DCLK2: variants seen among roughly 807,000 people sequenced by gnomAD.
DCLK2 encodes serine/threonine-protein kinase DCLK2.
A neutral mutation model predicts 78.4 loss-of-function variants in DCLK2; 31 were observed. The ratio of observed to expected loss-of-function variants is 0.40; its 90% CI spans 0.30 to 0.53. The LOEUF is 0.53. Among genes scored for constraint, DCLK2 ranks in the 20% least tolerant of loss-of-function variants. DCLK2 has a pLI of 0.61. For synonymous variants in DCLK2, 407 were observed against 374.9 expected (o/e 1.09, Z -0.99); for missense variants, 872 against 973.7 (o/e 0.90, Z 1.39).
In DCLK2 at chr4:150,221,793, G is replaced by A. The variant is rs1255864850; in HGVS notation, c.1241+8G>A. On this transcript the variant is annotated splice_region_variant and intron_variant, in intron 7 of 15. Transcript: ENST00000296550. ...CAAAGAGTGTATAGACAGGTGAGTGGACAGTGAGGATAATTAATGAATAAT... is the reference window on the plus strand; with the variant it reads ...CAAAGAGTGTATAGACAGGTGAGTGAACAGTGAGGATAATTAATGAATAAT... 6.9e-7 allele frequency: 1 copy of A among 1,443,618 alleles called. No individual in the cohort carries two copies. The highest frequency in any genetic ancestry group is 9.5e-7 in the Non-Finnish European group (1 of 1,047,546). The allele number at this position is 1,443,618 out of a possible 1,614,324, so 89.4% of individuals were successfully genotyped here.
At chr4:150,194,338 C>T (rs370809236) in intron 3 of DCLK2, among the ~76,000 whole-genome samples, 2 of 152,280 alleles carry the variant, frequency 1.3e-5, no homozygotes, top group South Asian at 4.1e-4. Flanking sequence ...TGTAAGTTTA[C>T]ACCATGATGT....
intron 2 of DCLK2, among the ~76,000 whole-genome samples, chr4:150,182,364 C>T (rs1560842330): frequency 6.6e-6 from 1 of 152,036 alleles, no homozygotes; most frequent in Non-Finnish European, 1.5e-5. Context: ...TCATTTGAAG[C>T]AAAACTTTTA....
chr4:150,152,175 T>A (rs1734946026), intron 2 of DCLK2, among the ~76,000 whole-genome samples: 2 of 152,240 alleles, frequency 1.3e-5, no homozygotes, highest in African/African-American at 4.8e-5. Flanking sequence ...CTGCAAGATT[T>A]GGATCCCATG....
At chr4:150,086,296 G>C (rs1387495281) in intron 1 of DCLK2, among the ~76,000 whole-genome samples, 1 of 152,190 alleles carries the variant, frequency 6.6e-6, no homozygotes, top group Non-Finnish European at 1.5e-5. Context: ...CAGTTGGACA[G>C]TTAGCCAGAT....
intron 15 of DCLK2, among the ~76,000 whole-genome samples, chr4:150,249,962 C>G (rs1580799292): frequency 6.6e-6 from 1 of 152,142 alleles, no homozygotes; most frequent in South Asian, 2.1e-4. Context: ...CCACTCTTGT[C>G]TCTGCCTTCT....
intron 10 of DCLK2, among the ~76,000 whole-genome samples, chr4:150,236,748 G>T (rs977537120): frequency 1.2e-4 from 18 of 152,176 alleles, no homozygotes; most frequent in Non-Finnish European, 2.4e-4. Flanking sequence ...AGACATGTTT[G>T]CTTCTGTGTC....
At chr4:150,205,078 A>C (rs1739753317) in intron 5 of DCLK2, among the ~76,000 whole-genome samples, 1 of 152,152 alleles carries the variant, frequency 6.6e-6, no homozygotes, top group Non-Finnish European at 1.5e-5. Flanking sequence ...GGTTCCCTAA[A>C]CACTTCAAAT....
chr4:150,204,852 G>A (rs12507489), intron 5 of DCLK2, among the ~76,000 whole-genome samples: 132,777 of 151,562 alleles, frequency 0.88, 58,557 homozygotes, highest in Middle Eastern at 0.96. Context: ...AGATCGCGCC[G>A]CTGCACTCCA....
chr4:150,120,693 A>G (rs1296918299), intron 2 of DCLK2, among the ~76,000 whole-genome samples: 1 of 152,212 alleles, frequency 6.6e-6, no homozygotes, highest in African/African-American at 2.4e-5. Context: ...CCTAGCACAG[A>G]TAAGTTATGT....
intron 2 of DCLK2, among the ~76,000 whole-genome samples, chr4:150,147,426 A>G (rs1172694346): frequency 1.3e-5 from 2 of 152,220 alleles, no homozygotes; most frequent in African/African-American, 2.4e-5. Context: ...AAAGCTGGCT[A>G]TGTGAAAGAC....
chr4:150,231,585 G>A (rs191308978), intron 8 of DCLK2, among the ~76,000 whole-genome samples: 19 of 152,292 alleles, frequency 1.2e-4, no homozygotes, highest in African/African-American at 3.1e-4. Context: ...ATGGGTTGAC[G>A]TATTAAGAAT....
intron 1 of DCLK2, among the ~76,000 whole-genome samples, chr4:150,085,153 C>T (rs1443998678): frequency 2.6e-5 from 4 of 152,064 alleles, no homozygotes; most frequent in Non-Finnish European, 5.9e-5. Context: ...GCCCTTTCTC[C>T]CTGGCTTCTG....
chr4:150,135,210 A>G lies in DCLK2; in HGVS notation c.756+32398A>G, dbSNP rs555154858. Among the ~76,000 whole-genome samples, 11 of 146,608 alleles carry G rather than the reference A, an allele frequency of 7.5e-5. No individual in the cohort carries two copies. The East Asian group carries it at 2.2e-3, about 29-fold the overall frequency. On this transcript the variant is annotated intron_variant, in intron 2 of 15. Transcript: ENST00000296550. ...CACACACACTGTCTCTCTCAGTTTC[A>G]GGTTGTATTTGAGAAAAGCTTGCTT...
intron 2 of DCLK2, among the ~76,000 whole-genome samples, chr4:150,115,816 G>A (rs1209637147): frequency 6.6e-6 from 1 of 152,184 alleles, no homozygotes; most frequent in African/African-American, 2.4e-5. Context: ...CAGTTGAACA[G>A]TTCAGACTTC....
intron 2 of DCLK2, among the ~76,000 whole-genome samples, chr4:150,190,782 G>A (rs1738392257): frequency 6.6e-6 from 1 of 152,138 alleles, no homozygotes; most frequent in Non-Finnish European, 1.5e-5. Context: ...TTAACTGGGT[G>A]AATTGTGTGG....
chr4:150,224,404 CAAAA>C, intron 7 of DCLK2, 93 bp from the exon 8 acceptor site: 1 of 916,104 alleles, frequency 1.1e-6, no homozygotes, highest in African/African-American at 2.2e-5. Context: ...CTCATCTCTA[CAAAA>C]AAAAAAAAAA....
chr4:150,212,789 A>G (rs937392381), intron 5 of DCLK2, among the ~76,000 whole-genome samples: 2 of 152,218 alleles, frequency 1.3e-5, no homozygotes, highest in African/African-American at 4.8e-5. Flanking sequence ...TAAGAATTTC[A>G]TTTGAATACA....
intron 4 of DCLK2, among the ~76,000 whole-genome samples, chr4:150,200,903 C>T (rs578244304): frequency 3.3e-5 from 5 of 152,308 alleles, no homozygotes; most frequent in Non-Finnish European, 4.4e-5. Flanking sequence ...ACTGAACCTC[C>T]GCCTCAGGAG....
At chr4:150,244,287 T>C (rs1248516018) in intron 12 of DCLK2, among the ~76,000 whole-genome samples, 4 of 152,158 alleles carry the variant, frequency 2.6e-5, no homozygotes, top group Non-Finnish European at 5.9e-5. Context: ...GAGAAGTAGA[T>C]TGGTTTTTCA....
Sources: allele counts gnomAD v4.1 joint callset (sites outside exome capture counted in the v4.1 genomes callset), GRCh38; gene constraint gnomAD v4.1.1; transcripts MANE v1.5; gene names NCBI Gene and HGNC (gene_info 2026-07-23, HGNC 2026-07-21).